NALF1: variants seen among roughly 807,000 people sequenced by gnomAD.
The protein encoded by NALF1 is family with sequence similarity 155 member A.
A neutral mutation model predicts 48.4 loss-of-function variants in NALF1; 3 were observed. The observed-to-expected ratio is 0.06, with a 90% CI of 0.03 to 0.16. The LOEUF is 0.16. Ranked by LOEUF, NALF1 falls within the 10% of genes least tolerant of loss-of-function variation. The pLI, the probability that NALF1 is intolerant of heterozygous loss-of-function variation, is 1.00. For missense variants in NALF1, 526 were observed against 571.5 expected (o/e 0.92, Z 0.81); for synonymous variants, 262 against 245.7 (o/e 1.07, Z -0.62).
chr13:107,439,573 T>A (rs1455735162), intron 1 of NALF1, among the ~76,000 whole-genome samples: 2 of 152,204 alleles, frequency 1.3e-5, no homozygotes, highest in African/African-American at 2.4e-5. Context: ...GAAGGGCTCC[T>A]CTCCAAATGC....
chr13:107,639,716 C>T (rs568949641), intron 1 of NALF1, among the ~76,000 whole-genome samples: 1 of 152,164 alleles, frequency 6.6e-6, no homozygotes, highest in African/African-American at 2.4e-5. Flanking sequence ...TGACAAAGAG[C>T]AAGTCTCAAC....
chr13:107,699,663 A>C, intron 1 of NALF1, among the ~76,000 whole-genome samples: 1 of 152,164 alleles, frequency 6.6e-6, no homozygotes, highest in East Asian at 1.9e-4. Context: ...TGGAAGTACT[A>C]GCAAAAGCAA....
chr13:107,490,467 T>C (rs569087040), intron 1 of NALF1, among the ~76,000 whole-genome samples: 22 of 152,156 alleles, frequency 1.4e-4, no homozygotes, highest in African/African-American at 5.3e-4. Context: ...AGAAACAGAA[T>C]ACGAAATACT....
At chr13:107,694,346 C>T (rs1490772922) in intron 1 of NALF1, among the ~76,000 whole-genome samples, 1 of 151,862 alleles carries the variant, frequency 6.6e-6, no homozygotes, top group Non-Finnish European at 1.5e-5. Context: ...TGTTTTGATT[C>T]GACAATTTAG....
chr13:107,497,221 A>T lies in NALF1; in HGVS notation c.916-286466T>A, dbSNP rs79079783. Among the ~76,000 whole-genome samples the T allele has an allele frequency of 5.9e-3, 901 of 152,320 alleles. 29 individuals are homozygous for T. In the East Asian group the frequency reaches 0.1, roughly 17 times the overall value. ...TTGCTATATCTCAGAACATGAATGA[A>T]TATAAAAATAGTCTCATTTTTGAGA... On this transcript the variant is annotated intron_variant, in intron 1 of 2. Transcript: ENST00000375915.
intron 1 of NALF1, among the ~76,000 whole-genome samples, chr13:107,706,986 G>A (rs1473277744): frequency 5.4e-5 from 7 of 130,462 alleles, no homozygotes; most frequent in African/African-American, 1.5e-4. Flanking sequence ...GCAGTGGCGT[G>A]ATCTCGGCTC....
At chr13:107,751,119 G>C (rs550638673) in intron 1 of NALF1, among the ~76,000 whole-genome samples, 1 of 152,332 alleles carries the variant, frequency 6.6e-6, no homozygotes, top group Admixed American at 6.5e-5. Flanking sequence ...AGGAGGAAAA[G>C]CTGCTTTTCC....
At chr13:107,746,270 CTG>C (rs1876777455) in intron 1 of NALF1, among the ~76,000 whole-genome samples, 1 of 152,172 alleles carries the variant, frequency 6.6e-6, no homozygotes. Flanking sequence ...CCATGTAGAA[CTG>C]TGTGTCAATT....
At chr13:107,396,463 G>A (rs1883714387) in intron 1 of NALF1, among the ~76,000 whole-genome samples, 1 of 152,176 alleles carries the variant, frequency 6.6e-6, no homozygotes, top group African/African-American at 2.4e-5. Context: ...CATATACAGT[G>A]AAAGCTCTTT....
At chr13:107,700,490 T>G (rs138168949) in intron 1 of NALF1, among the ~76,000 whole-genome samples, 1 of 151,922 alleles carries the variant, frequency 6.6e-6, no homozygotes, top group Admixed American at 6.6e-5. Flanking sequence ...AAATCGACTC[T>G]AAATGAATAA....
intron 1 of NALF1, among the ~76,000 whole-genome samples, chr13:107,642,874 T>C (rs1880197942): frequency 1.3e-5 from 2 of 152,230 alleles, no homozygotes; most frequent in Admixed American, 6.5e-5. Context: ...AGCTGGCTAT[T>C]GTGTTCTGCT....
rs369031603 is a variant in NALF1 at position 107,532,531 on chromosome 13, AC to A, written c.916-321777del. Among the ~76,000 whole-genome samples, 28 of 152,264 alleles carry A rather than the reference AC, an allele frequency of 1.8e-4. No homozygotes were observed. The East Asian group carries it at 4.8e-3, about 26-fold the overall frequency. Reference sequence around the variant, plus strand: ...TTAAATATCAAGAGTTCAGGTTATTACAAAACCTAAGGCTTACAGTGTGGTA... The same window carrying A: ...TTAAATATCAAGAGTTCAGGTTATTAAAAACCTAAGGCTTACAGTGTGGTA... On this transcript the variant is annotated intron_variant, in intron 1 of 2. Coordinates refer to ENST00000375915, the MANE Select transcript of NALF1 (RefSeq NM_001080396.3).
Position 107,163,976 on chromosome 13 carries a change from G to A in NALF1, c.*6521C>T, listed in dbSNP as rs1166176196. The A allele has an allele frequency of 1.3e-5, 2 of 152,164 alleles. No homozygotes were observed. Among genetic ancestry groups the A allele is most frequent in the Non-Finnish European group, 2.9e-5 (2 of 68,024 alleles). The allele number at this position is 152,164 out of a possible 1,614,324, so 9.4% of individuals were successfully genotyped here. A position where few individuals can be genotyped will look rare whatever the true frequency, so the allele number is the denominator to read the frequency against. On this transcript the variant is annotated 3_prime_UTR_variant, in exon 3 of 3. Transcript: ENST00000375915. ...TTTGCTGTAGTTTATATTTCCTATT[G>A]TTTTATCCATTTTGCAGTGAAATGG...
intron 1 of NALF1, among the ~76,000 whole-genome samples, chr13:107,855,940 C>T (rs1483979793): frequency 6.6e-6 from 1 of 151,868 alleles, no homozygotes; most frequent in East Asian, 1.9e-4. Context: ...CAGGTTGTTG[C>T]CCTATTATCC....
In NALF1 at chr13:107,163,514, G is replaced by T. The variant is rs1878599519; in HGVS notation, c.*6983C>A. 1 of 152,146 alleles carries T rather than the reference G, an allele frequency of 6.6e-6. No individual in the cohort carries two copies. The highest frequency in any genetic ancestry group is 1.5e-5 in the Non-Finnish European group (1 of 68,028). 9.4% of individuals were successfully genotyped at this position (152,146 alleles called of 1,614,324 possible). A position where few individuals can be genotyped will look rare whatever the true frequency, so the allele number is the denominator to read the frequency against. ...AGAAATAAGGCGTAAACAAACTTTA[G>T]CAGTGGCCTCTATATCTTTTTAATA... On this transcript the variant is annotated 3_prime_UTR_variant, in exon 3 of 3. Coordinates refer to ENST00000375915, the MANE Select transcript of NALF1 (RefSeq NM_001080396.3).
At chr13:107,627,320 T>C (rs1227468588) in intron 1 of NALF1, among the ~76,000 whole-genome samples, 1 of 152,282 alleles carries the variant, frequency 6.6e-6, no homozygotes, top group East Asian at 1.9e-4. Flanking sequence ...GATTCTATCA[T>C]ACTAATTTAT....
At chr13:107,196,016 T>A (rs1204133452) in intron 2 of NALF1, among the ~76,000 whole-genome samples, 1 of 152,172 alleles carries the variant, frequency 6.6e-6, no homozygotes, top group Non-Finnish European at 1.5e-5. Flanking sequence ...TGGATGGAGC[T>A]GGAGGCCATT....
intron 1 of NALF1, among the ~76,000 whole-genome samples, chr13:107,465,470 T>G (rs986813659): frequency 6.6e-6 from 1 of 152,178 alleles, no homozygotes; most frequent in Non-Finnish European, 1.5e-5. Flanking sequence ...CTCTGTGCTC[T>G]GGGAAAACCT....
Position 107,790,816 on chromosome 13 carries a change from T to C in NALF1, c.915+74866A>G, listed in dbSNP as rs865877998. On this transcript the variant is annotated intron_variant, in intron 1 of 2. Coordinates refer to ENST00000375915, the MANE Select transcript of NALF1 (RefSeq NM_001080396.3). ...GTTAGGGCCTTATTTTAGAGGTCTT[T>C]TAGTTATATAATATACAGGCTAAAT... Among the ~76,000 whole-genome samples, 10 of 152,192 alleles carry C rather than the reference T, an allele frequency of 6.6e-5. No homozygotes were observed. The Middle Eastern group carries it at 0.01, about 155-fold the overall frequency.
Sources: gnomAD v4.1 joint callset for allele counts (sites outside exome capture counted in the v4.1 genomes callset) on GRCh38, gnomAD v4.1.1 for gene constraint, MANE v1.5 for transcripts, NCBI Gene and HGNC (gene_info 2026-07-23, HGNC 2026-07-21) for gene names.